C9orf153: variants seen among roughly 807,000 people sequenced by gnomAD.
C9orf153 encodes the protein chromosome 9 open reading frame 153, also known as uncharacterized protein C9orf153.
A neutral mutation model predicts 9.0 loss-of-function variants in C9orf153; 10 were observed. The ratio of observed to expected loss-of-function variants is 1.11; its 90% CI spans 0.69 to 1.89. C9orf153 has a LOEUF of 1.89. Among genes scored for constraint, C9orf153 ranks in the 40% most tolerant of loss-of-function variants. C9orf153 has a pLI of 0.00. For synonymous variants in C9orf153, 35 were observed against 37.3 expected, an observed-to-expected ratio of 0.94 and a Z score of 0.23; for missense variants, 108 against 111.0, an observed-to-expected ratio of 0.97 and a Z score of 0.12.
chr9:86,225,608 G>A (rs1353603764), intron 3 of C9orf153, among the ~76,000 whole-genome samples: 7 of 151,910 alleles, frequency 4.6e-5, no homozygotes, highest in Admixed American at 1.3e-4. Context: ...ACAGGTGCCC[G>A]CCGCAACGCC....
intron 3 of C9orf153, among the ~76,000 whole-genome samples, chr9:86,223,869 G>A (rs1824259330): frequency 6.6e-6 from 1 of 152,178 alleles, no homozygotes; most frequent in African/African-American, 2.4e-5. Flanking sequence ...ACATTTGAAA[G>A]CATCGCTCCA....
chr9:86,242,279 C>G (rs1177804186), intron 1 of C9orf153, among the ~76,000 whole-genome samples: 1 of 152,130 alleles, frequency 6.6e-6, no homozygotes, highest in East Asian at 1.9e-4. Context: ...AGTAAGAGAG[C>G]CCTGCCTTCT....
chr9:86,250,762 GTGTT>G (rs1219084237), intron 1 of C9orf153, among the ~76,000 whole-genome samples: 3 of 152,098 alleles, frequency 2.0e-5, no homozygotes, highest in South Asian at 2.1e-4. Flanking sequence ...GAATGCTACT[GTGTT>G]TGTTTATTTA....
At chr9:86,245,410 C>A (rs1419995714) in intron 1 of C9orf153, among the ~76,000 whole-genome samples, 1 of 152,180 alleles carries the variant, frequency 6.6e-6, no homozygotes, top group East Asian at 1.9e-4. Flanking sequence ...AAAACTCCCA[C>A]TTCTCCCTTC....
chr9:86,227,651 T>C lies in C9orf153; in HGVS notation c.242+204A>G, dbSNP rs1267720661. 1.5e-5 allele frequency: 15 copies of C among 985,394 alleles called. 1 individual carries two copies. The highest frequency in any genetic ancestry group is 1.0e-3 in the Middle Eastern group (2 of 1,914). 61.0% of individuals were successfully genotyped at this position (985,394 alleles called of 1,614,324 possible). A position where few individuals can be genotyped will look rare whatever the true frequency, so the allele number is the denominator to read the frequency against. On this transcript the variant is annotated intron_variant, in intron 3 of 3. Coordinates refer to ENST00000339137, the MANE Select transcript of C9orf153 (RefSeq NM_001276366.4). The stretch of plus-strand genomic sequence containing the variant: ...TAAGATTTTGGGGCTTGGAACCTTC[T>C]GTACGGTAACTTGGGCCAAGGCATT...
chr9:86,246,644 T>C (rs1287294886), intron 1 of C9orf153, among the ~76,000 whole-genome samples: 2 of 152,184 alleles, frequency 1.3e-5, no homozygotes, highest in African/African-American at 4.8e-5. Flanking sequence ...GTCTTGAGCA[T>C]GAAAACAGGG....
intron 1 of C9orf153, among the ~76,000 whole-genome samples, chr9:86,255,135 C>G (rs958294335): frequency 3.3e-5 from 5 of 151,968 alleles, no homozygotes; most frequent in Admixed American, 1.3e-4. Flanking sequence ...TTTAAATTTG[C>G]TCTTTTTTGC....
chr9:86,227,132 A>G (rs1278536626), intron 3 of C9orf153, among the ~76,000 whole-genome samples: 2 of 151,942 alleles, frequency 1.3e-5, no homozygotes, highest in Admixed American at 6.6e-5. Flanking sequence ...TCTGTTCTGC[A>G]TTTTATTTTT....
intron 1 of C9orf153, among the ~76,000 whole-genome samples, chr9:86,248,469 C>T (rs189153550): frequency 9.5e-4 from 145 of 152,164 alleles, no homozygotes; most frequent in Non-Finnish European, 1.7e-3. Context: ...TCAGAGAGTA[C>T]GCGCGCAGGT....
In C9orf153 at chr9:86,227,407, CA is replaced by C. The variant is rs747901061; in HGVS notation, c.242+447del. The C allele has an allele frequency of 4.0e-6, 6 of 1,489,112 alleles. No individual in the cohort carries two copies. In the African/African-American group the frequency reaches 7.1e-5, roughly 18 times the overall value. The allele number at this position is 1,489,112 out of a possible 1,614,324, so 92.2% of individuals were successfully genotyped here. ...TTCATTTTATTGACACTGTATAAAGCAAACATATTAATAGCAGCCATGAACC... is the reference window on the plus strand; with the variant it reads ...TTCATTTTATTGACACTGTATAAAGCAACATATTAATAGCAGCCATGAACC... On this transcript the variant is annotated intron_variant, in intron 3 of 3. Transcript: ENST00000339137.
Position 86,233,214 on chromosome 9 carries a change from A to T in C9orf153, c.-26-3585T>A, listed in dbSNP as rs549176448. 3.3e-5 allele frequency among the ~76,000 whole-genome samples: 5 copies of T among 152,152 alleles called. No homozygotes were observed. The East Asian group carries it at 7.7e-4, about 24-fold the overall frequency. The stretch of plus-strand genomic sequence containing the variant: ...GTTTTCCACTTGGGGTAATAATGCA[A>T]CTTCTCTTGACTGTGATCCTACCAC... On this transcript the variant is annotated intron_variant, in intron 1 of 3. Transcript: ENST00000339137.
rs1301746464 is a variant in C9orf153, at chr9:86,235,715, C to G, written c.-26-6086G>C. On this transcript the variant is annotated intron_variant, in intron 1 of 3. Transcript: ENST00000339137. ...CAAGATCGCGTCACTGCACTCCAGC[C>G]TGGGTGACAGAGCAAGACTCCATCT... Among the ~76,000 whole-genome samples, 4 of 114,484 alleles carry G rather than the reference C, an allele frequency of 3.5e-5. No individual in the cohort carries two copies. In the South Asian group the frequency reaches 1.2e-3, roughly 35 times the overall value. 75.1% of individuals were successfully genotyped at this position (114,484 alleles called of 152,430 possible).
chr9:86,245,391 A>G (rs770284298), intron 1 of C9orf153, among the ~76,000 whole-genome samples: 26 of 152,086 alleles, frequency 1.7e-4, no homozygotes, highest in Non-Finnish European at 2.8e-4. Context: ...GAAACCTTAT[A>G]CCCACTGAAA....
At chr9:86,246,444 C>T (rs917824424) in intron 1 of C9orf153, among the ~76,000 whole-genome samples, 4 of 152,044 alleles carry the variant, frequency 2.6e-5, no homozygotes, top group Admixed American at 1.3e-4. Flanking sequence ...ATAGTGCAGA[C>T]TTTTCAGTCC....
intron 1 of C9orf153, among the ~76,000 whole-genome samples, chr9:86,254,009 T>C (rs1482938184): frequency 2.0e-5 from 3 of 147,010 alleles, no homozygotes; most frequent in Non-Finnish European, 4.4e-5. Flanking sequence ...GAGAAAGGCA[T>C]GAACCTGGGA....
chr9:86,259,040 T>TC (rs1451307267), intron 1 of C9orf153, among the ~76,000 whole-genome samples: 1 of 151,822 alleles, frequency 6.6e-6, no homozygotes, highest in East Asian at 1.9e-4. Flanking sequence ...TGTTTTTTTT[T>TC]TTTCTTTGAG....
chr9:86,243,451 T>C (rs1022904313), intron 1 of C9orf153, among the ~76,000 whole-genome samples: 2 of 145,918 alleles, frequency 1.4e-5, no homozygotes, highest in African/African-American at 5.2e-5. Context: ...AATTTTTTTT[T>C]TTTCTTTTTC....
At chr9:86,236,850 CA>C (rs1461370759) in intron 1 of C9orf153, among the ~76,000 whole-genome samples, 1 of 150,864 alleles carries the variant, frequency 6.6e-6, no homozygotes, top group Non-Finnish European at 1.5e-5. Flanking sequence ...CCTGTAATCC[CA>C]GCACTTTGGG....
intron 1 of C9orf153, among the ~76,000 whole-genome samples, chr9:86,237,881 T>G (rs1587802915): frequency 6.6e-6 from 1 of 151,888 alleles, no homozygotes; most frequent in African/African-American, 2.4e-5. Flanking sequence ...GAGTTCGAGA[T>G]CAGCCTGGCC....
Sources: gnomAD v4.1 joint callset for allele counts (sites outside exome capture counted in the v4.1 genomes callset) on GRCh38, gnomAD v4.1.1 for gene constraint, MANE v1.5 for transcripts, NCBI Gene and HGNC (gene_info 2026-07-23, HGNC 2026-07-21) for gene names.